The following SEL1L3 variants were observed in gnomAD, a reference collection of about 807,000 sequenced individuals.
SEL1L3 encodes protein sel-1 homolog 3.
Under a neutral mutation model 142.8 loss-of-function variants are expected in SEL1L3, and 76 were observed. The ratio of observed to expected loss-of-function variants is 0.53; its 90% CI spans 0.44 to 0.64. SEL1L3 has a LOEUF of 0.64. Among genes scored for constraint, SEL1L3 ranks in the 30% least tolerant of loss-of-function variants. SEL1L3 has a pLI of 0.00. For missense variants in SEL1L3, 1,262 were observed against 1,381.7 expected (o/e 0.91, Z 1.37); for synonymous variants, 504 against 519.6 (o/e 0.97, Z 0.41).
chr4:25,825,941 G>A lies in SEL1L3; in HGVS notation c.1158-3813C>T, dbSNP rs565775380. On this transcript the variant is annotated intron_variant, in intron 6 of 23. Transcript: ENST00000399878. ...CCTGCTTCGGCCTCCCAAAGTGCTG[G>A]GATTACAGGCATAAGCCACCACGCC... Among the ~76,000 whole-genome samples, 18 of 152,112 alleles carry A rather than the reference G, an allele frequency of 1.2e-4. No individual in the cohort carries two copies. The South Asian group carries it at 3.7e-3, about 32-fold the overall frequency.
chr4:25,841,152 C>G (rs1418340906), intron 2 of SEL1L3, among the ~76,000 whole-genome samples: 1 of 152,152 alleles, frequency 6.6e-6, no homozygotes, highest in Admixed American at 6.5e-5. Context: ...CCCACCTCAG[C>G]CCCCCAAGTA....
intron 9 of SEL1L3, among the ~76,000 whole-genome samples, chr4:25,817,785 C>A (rs1365723246): frequency 6.6e-6 from 1 of 151,988 alleles, no homozygotes; most frequent in Non-Finnish European, 1.5e-5. Context: ...CATTTTCATA[C>A]AAGCTTTTTA....
At chr4:25,781,504 G>A (rs138638119) in intron 15 of SEL1L3, among the ~76,000 whole-genome samples, 25 of 152,106 alleles carry the variant, frequency 1.6e-4, no homozygotes, top group Non-Finnish European at 3.2e-4. Context: ...CAGGCGTGGT[G>A]GTGCACGCCT....
At chr4:25,739,208 C>CA in the SEL1L3 span, among the ~76,000 whole-genome samples, 2 of 150,648 alleles carry the variant, frequency 1.3e-5, no homozygotes, top group South Asian at 4.2e-4. Flanking sequence ...GACTCTGTCT[C>CA]AAAAAAGAAA....
intron 3 of SEL1L3, among the ~76,000 whole-genome samples, chr4:25,834,674 T>C (rs1472935986): frequency 6.6e-6 from 1 of 152,216 alleles, no homozygotes; most frequent in African/African-American, 2.4e-5. Context: ...AAGATCTTTC[T>C]ACAGCCAGCA....
intron 11 of SEL1L3, among the ~76,000 whole-genome samples, chr4:25,792,468 A>G (rs2109196745): frequency 6.6e-6 from 1 of 152,334 alleles, no homozygotes; most frequent in East Asian, 1.9e-4. Flanking sequence ...GCTTATGGCC[A>G]GTGTGTATGG....
chr4:25,730,939 G>A, the SEL1L3 span, among the ~76,000 whole-genome samples: 598 of 152,286 alleles, frequency 3.9e-3, 4 homozygotes, highest in Non-Finnish European at 6.4e-3. Flanking sequence ...GCTGAGGCAG[G>A]AGAATCACTT....
At chr4:25,757,486 GCTT>G in intron 23 of SEL1L3, 45 bp downstream of exon 23, 1 of 979,194 alleles carries the variant, frequency 1.0e-6, no homozygotes, top group Non-Finnish European at 1.4e-6. Context: ...AAAAATCCCT[GCTT>G]TTTTTTTTTT....
intron 9 of SEL1L3, among the ~76,000 whole-genome samples, chr4:25,814,302 C>T (rs901652335): frequency 4.6e-5 from 7 of 152,116 alleles, no homozygotes; most frequent in Admixed American, 2.6e-4. Context: ...TATCCTGGCT[C>T]GTAGGGGGCA....
chr4:25,848,139 A>G (rs546928496), intron 1 of SEL1L3, among the ~76,000 whole-genome samples: 1 of 152,242 alleles, frequency 6.6e-6, no homozygotes, highest in Non-Finnish European at 1.5e-5. Flanking sequence ...CATGGCAATA[A>G]TTCCAGAGTT....
intron 3 of SEL1L3, among the ~76,000 whole-genome samples, chr4:25,834,861 G>T (rs1327321423): frequency 6.6e-6 from 1 of 152,154 alleles, no homozygotes; most frequent in South Asian, 2.1e-4. Context: ...AATCTTCCAC[G>T]ACAGAAAGGC....
chr4:25,794,829 G>C (rs1477379279), intron 11 of SEL1L3, among the ~76,000 whole-genome samples: 1 of 152,106 alleles, frequency 6.6e-6, no homozygotes, highest in Non-Finnish European at 1.5e-5. Context: ...TGATAGACTG[G>C]ATAAAGAAAA....
chr4:25,836,803 A>G (rs1715852586), intron 2 of SEL1L3, among the ~76,000 whole-genome samples: 1 of 152,220 alleles, frequency 6.6e-6, no homozygotes, highest in Admixed American at 6.5e-5. Flanking sequence ...GGCACAAATT[A>G]TGGGGGCTTC....
intron 6 of SEL1L3, among the ~76,000 whole-genome samples, chr4:25,826,970 C>T (rs1715136943): frequency 6.6e-6 from 1 of 152,154 alleles, no homozygotes; most frequent in South Asian, 2.1e-4. Context: ...GGCCAGAGTA[C>T]TGCCACTTTT....
At chr4:25,738,384 C>T in the SEL1L3 span, among the ~76,000 whole-genome samples, 17 of 152,232 alleles carry the variant, frequency 1.1e-4, no homozygotes, top group Admixed American at 5.2e-4. Flanking sequence ...CTTTACTGAA[C>T]GCTGCAGTAC....
intron 1 of SEL1L3, among the ~76,000 whole-genome samples, chr4:25,858,854 G>A (rs1186750181): frequency 4.6e-5 from 7 of 152,302 alleles, no homozygotes; most frequent in Non-Finnish European, 7.4e-5. Context: ...AAAGTGCTGT[G>A]ATTACAGGCG....
intron 1 of SEL1L3, among the ~76,000 whole-genome samples, chr4:25,850,961 C>T (rs1716852800): frequency 6.6e-6 from 1 of 152,056 alleles, no homozygotes; most frequent in Non-Finnish European, 1.5e-5. Flanking sequence ...AGTGATTCTC[C>T]TGCCTCAGCC....
intron 13 of SEL1L3, 57 bp from the exon 14 acceptor site, chr4:25,784,347 A>G: frequency 7.7e-7 from 1 of 1,305,698 alleles, no homozygotes; most frequent in Non-Finnish European, 1.1e-6. Context: ...CTGCACACAT[A>G]CAGACACTTT....
chr4:25,768,524 C>T (rs533599422), intron 17 of SEL1L3, among the ~76,000 whole-genome samples: 49 of 152,268 alleles, frequency 3.2e-4, no homozygotes, highest in Non-Finnish European at 5.1e-4. Context: ...GAAGGACAGG[C>T]GGGAGGAGTC....
Sources: gnomAD v4.1 joint callset for allele counts (sites outside exome capture counted in the v4.1 genomes callset) on GRCh38, gnomAD v4.1.1 for gene constraint, MANE v1.5 for transcripts, NCBI Gene and HGNC (gene_info 2026-07-23, HGNC 2026-07-21) for gene names.